RAP1GAP2: variants seen among roughly 807,000 people sequenced by gnomAD.
The protein encoded by RAP1GAP2 is rap1 GTPase-activating protein 2.
RAP1GAP2 carries 27 observed loss-of-function variants against 95.0 expected under a neutral mutation model. The ratio of observed to expected loss-of-function variants is 0.28; its 90% CI spans 0.21 to 0.39. RAP1GAP2 has a LOEUF of 0.39. RAP1GAP2 is among the 10% of genes least tolerant of loss of function. The probability of loss-of-function intolerance (pLI) is 1.00; values close to 1 mark genes in which losing one functional copy is unlikely to be tolerated. For synonymous variants in RAP1GAP2, 373 were observed against 380.9 expected, an observed-to-expected ratio of 0.98 and a Z score of 0.24; for missense variants, 771 against 970.0, an observed-to-expected ratio of 0.79 and a Z score of 2.72.
rs1567833563 is a variant in RAP1GAP2 at position 2,965,750 on chromosome 17, C to A, written c.596+107C>A. On this transcript the variant is annotated intron_variant, in intron 8 of 24. Coordinates refer to ENST00000254695, the MANE Select transcript of RAP1GAP2 (RefSeq NM_015085.5). The surrounding 1 kb of genome is among the most constrained non-coding windows in gnomAD (Gnocchi z 4.7). ...GAAATACCAGACTGACCAGTCTGGT[C>A]TGGGTGCACTGGCTGACGGGGACAG... 1.5e-5 allele frequency: 12 copies of A among 817,266 alleles called. No individual in the cohort carries two copies. The highest frequency in any genetic ancestry group is 2.4e-5 in the Admixed American group (1 of 42,186). The allele number at this position is 817,266 out of a possible 1,614,324, so 50.6% of individuals were successfully genotyped here.
Position 2,968,670 on chromosome 17 carries a change from A to G in RAP1GAP2, c.596+3027A>G, listed in dbSNP as rs556942760. Among the ~76,000 whole-genome samples, 4 of 152,314 alleles carry G rather than the reference A, an allele frequency of 2.6e-5. No homozygotes were observed. The South Asian group carries it at 8.3e-4, about 32-fold the overall frequency. The stretch of plus-strand genomic sequence containing the variant: ...AAGAAAACAAAGGAATAATAAAGAA[A>G]TATGATAGAAGTGTGCGTACATATG... On this transcript the variant is annotated intron_variant, in intron 8 of 24. Transcript: ENST00000254695.
chr17:2,807,770 G>A (rs1396943212), intron 2 of RAP1GAP2, among the ~76,000 whole-genome samples: 1 of 152,152 alleles, frequency 6.6e-6, no homozygotes, highest in Admixed American at 6.5e-5. Context: ...GTCTGGGAGG[G>A]TAGGTGAGCT....
intron 2 of RAP1GAP2, among the ~76,000 whole-genome samples, chr17:2,880,198 G>A (rs868118402): frequency 3.3e-5 from 5 of 152,126 alleles, no homozygotes; most frequent in African/African-American, 1.2e-4. Context: ...GAAGGCTTGG[G>A]GGGGATGGGA....
intron 11 of RAP1GAP2, among the ~76,000 whole-genome samples, chr17:2,989,404 C>T (rs980385446): frequency 2.6e-5 from 4 of 152,110 alleles, no homozygotes; most frequent in Non-Finnish European, 5.9e-5. Context: ...GTGATCTCTA[C>T]TCACTGCAAC....
rs542097246 is a variant in RAP1GAP2, at chr17:2,899,323, C to T, written c.81-5961C>T. On this transcript the variant is annotated intron_variant, in intron 2 of 24. Coordinates refer to ENST00000254695, the MANE Select transcript of RAP1GAP2 (RefSeq NM_015085.5). ...GGGAGCTTCCGCTATTCTCCTGCCT[C>T]AGCCTCTCGAGTAGCTGGGACTACA... Among the ~76,000 whole-genome samples the T allele has an allele frequency of 9.9e-5, 15 of 152,224 alleles. No individual in the cohort carries two copies. The South Asian group carries it at 3.1e-3, about 32-fold the overall frequency.
intron 2 of RAP1GAP2, among the ~76,000 whole-genome samples, chr17:2,824,944 G>T (rs1428804067): frequency 6.6e-6 from 1 of 151,890 alleles, no homozygotes; most frequent in African/African-American, 2.4e-5. Flanking sequence ...CTGCCTCCCT[G>T]CACCACTTCC....
At chr17:2,864,022 A>AT in intron 2 of RAP1GAP2, among the ~76,000 whole-genome samples, 1 of 151,916 alleles carries the variant, frequency 6.6e-6, no homozygotes, top group Non-Finnish European at 1.5e-5. Context: ...ACTGCACTCC[A>AT]TCCTGGGCCA....
At chr17:2,865,261 G>T (rs2072574917) in intron 2 of RAP1GAP2, among the ~76,000 whole-genome samples, 1 of 152,126 alleles carries the variant, frequency 6.6e-6, no homozygotes, top group Non-Finnish European at 1.5e-5. Flanking sequence ...ACTCTGTTTT[G>T]GGTCTCCTGT....
At chr17:2,794,980 C>A (rs2069029810), upstream of RAP1GAP2, among the ~76,000 whole-genome samples, 1 of 140,396 alleles carries the variant, frequency 7.1e-6, no homozygotes, top group Admixed American at 7.7e-5. Context: ...CAGGTTCAAA[C>A]GATTCTCCTG....
At chr17:2,944,161 CAAAAAAA>C (rs36063732) in intron 3 of RAP1GAP2, among the ~76,000 whole-genome samples, 2 of 81,806 alleles carry the variant, frequency 2.4e-5, no homozygotes, top group Non-Finnish European at 5.0e-5. Flanking sequence ...ACAGCAAAAC[CAAAAAAA>C]AAAAAAAAAA....
At chr17:2,800,410 C>G in intron 1 of RAP1GAP2, 105 bp from the exon 2 acceptor site, 2 of 1,427,572 alleles carry the variant, frequency 1.4e-6, no homozygotes, top group South Asian at 1.2e-5. Context: ...TGACAGAGCC[C>G]TGCTGTCTGG....
intron 17 of RAP1GAP2, among the ~76,000 whole-genome samples, chr17:3,016,136 G>A (rs28582109): frequency 0.02 from 2,986 of 152,280 alleles, 83 homozygotes; most frequent in African/African-American, 0.057. Context: ...TGCCCTCCCT[G>A]GCTTGTCAGC....
chr17:2,995,752 C>T (rs2045931259), intron 13 of RAP1GAP2, among the ~76,000 whole-genome samples: 1 of 152,270 alleles, frequency 6.6e-6, no homozygotes, highest in East Asian at 1.9e-4. Context: ...GGGAAAACTG[C>T]AGCCCATGGT....
At chr17:2,842,931 G>T (rs772088111) in intron 2 of RAP1GAP2, among the ~76,000 whole-genome samples, 1 of 152,058 alleles carries the variant, frequency 6.6e-6, no homozygotes, top group Non-Finnish European at 1.5e-5. Context: ...CCTCCCTTCC[G>T]TCTTTCCCCT....
At chr17:2,805,092 G>A (rs2069458199) in intron 2 of RAP1GAP2, among the ~76,000 whole-genome samples, 2 of 152,186 alleles carry the variant, frequency 1.3e-5, no homozygotes, top group Admixed American at 6.5e-5. Flanking sequence ...CCTACCCAGT[G>A]CCTGGCACAA....
At chr17:2,838,016 C>CTT (rs71153304) in intron 2 of RAP1GAP2, among the ~76,000 whole-genome samples, 43,593 of 94,258 alleles carry the variant, frequency 0.46, 12,330 homozygotes, top group East Asian at 0.57. Context: ...TTCTTTTTTC[C>CTT]TTTTTTTTTT....
At chr17:2,907,584 C>G (rs2042240836) in intron 3 of RAP1GAP2, among the ~76,000 whole-genome samples, 1 of 152,090 alleles carries the variant, frequency 6.6e-6, no homozygotes, top group Admixed American at 6.6e-5. Flanking sequence ...CTAACCTAGT[C>G]TCGGAGAGGG....
chr17:2,971,847 A>G (rs2044879666), intron 8 of RAP1GAP2, among the ~76,000 whole-genome samples: 1 of 152,328 alleles, frequency 6.6e-6, no homozygotes, highest in African/African-American at 2.4e-5. Context: ...AAATAAATAA[A>G]CTAGAAATAA....
intron 2 of RAP1GAP2, among the ~76,000 whole-genome samples, chr17:2,865,499 G>A (rs1235675963): frequency 6.6e-6 from 1 of 152,184 alleles, no homozygotes; most frequent in Non-Finnish European, 1.5e-5. Flanking sequence ...TTCTCGATAT[G>A]AACTGGAAGG....
Sources: gnomAD v4.1 joint callset for allele counts (sites outside exome capture counted in the v4.1 genomes callset) on GRCh38, gnomAD v4.1.1 for gene constraint, Gnocchi (gnomAD v3.1) non-coding constraint, MANE v1.5 for transcripts, NCBI Gene and HGNC (gene_info 2026-07-23, HGNC 2026-07-21) for gene names.